The following NELL1 variants were observed in gnomAD, a reference collection of about 807,000 sequenced individuals.
NELL1 encodes the protein neural EGFL like 1, also known as protein kinase C-binding protein NELL1.
A neutral mutation model predicts 107.4 loss-of-function variants in NELL1; 76 were observed. The ratio of observed to expected loss-of-function variants is 0.71; its 90% CI spans 0.59 to 0.86. The LOEUF is 0.86. Among genes scored for constraint, NELL1 ranks in the 40% least tolerant of loss-of-function variants. The pLI, the probability that NELL1 is intolerant of heterozygous loss-of-function variation, is 0.00. For synonymous variants in NELL1, 353 were observed against 341.2 expected (o/e 1.03, Z -0.38); for missense variants, 1,024 against 1,005.5 (o/e 1.02, Z -0.25).
intron 13 of NELL1, among the ~76,000 whole-genome samples, chr11:21,129,714 A>G (rs1855571589): frequency 6.6e-6 from 1 of 152,210 alleles, no homozygotes; most frequent in Non-Finnish European, 1.5e-5. Context: ...AATCAAATTC[A>G]TAGAGACAAA....
intron 13 of NELL1, among the ~76,000 whole-genome samples, chr11:21,117,993 G>A (rs1300808998): frequency 6.6e-6 from 1 of 152,020 alleles, no homozygotes; most frequent in South Asian, 2.1e-4. Context: ...CCTATATAGT[G>A]AGTGATACTA....
At chr11:20,766,164 T>G (rs1057279725) in intron 2 of NELL1, among the ~76,000 whole-genome samples, 4 of 152,322 alleles carry the variant, frequency 2.6e-5, no homozygotes, top group Admixed American at 2.0e-4. Flanking sequence ...AGGATTGATG[T>G]CGAGAATGAC....
At chr11:21,378,626 C>G (rs543300251) in intron 15 of NELL1, among the ~76,000 whole-genome samples, 1 of 151,996 alleles carries the variant, frequency 6.6e-6, no homozygotes, top group South Asian at 2.1e-4. Flanking sequence ...AGATAGTATA[C>G]TTATCCTCTT....
intron 13 of NELL1, 144 bp downstream of exon 13, chr11:21,113,858 A>G: frequency 1.2e-6 from 1 of 816,682 alleles, no homozygotes; most frequent in Admixed American, 3.3e-5. Context: ...ACCTTTTGAG[A>G]AAAAAGCAAT....
chr11:21,422,982 A>T (rs1228135387), intron 15 of NELL1, among the ~76,000 whole-genome samples: 8 of 152,168 alleles, frequency 5.3e-5, no homozygotes, highest in Admixed American at 5.2e-4. Flanking sequence ...TAAAAGTGAA[A>T]ATATGGAAAA....
At chr11:21,001,925 C>A (rs1343860658) in intron 12 of NELL1, among the ~76,000 whole-genome samples, 7 of 152,096 alleles carry the variant, frequency 4.6e-5, no homozygotes, top group Non-Finnish European at 8.8e-5. Flanking sequence ...GGCTAAGGGG[C>A]CATTTGAATG....
intron 12 of NELL1, among the ~76,000 whole-genome samples, chr11:21,085,827 T>C (rs761951049): frequency 4.4e-4 from 67 of 152,144 alleles, no homozygotes; most frequent in Non-Finnish European, 8.8e-5. Context: ...ATGGATTTTA[T>C]TCTAAATGTA....
intron 4 of NELL1, among the ~76,000 whole-genome samples, chr11:20,862,815 C>T (rs944490904): frequency 2.6e-5 from 4 of 152,066 alleles, no homozygotes; most frequent in African/African-American, 4.8e-5. Flanking sequence ...TCTCAACGAG[C>T]ATGCTGCCTT....
intron 12 of NELL1, among the ~76,000 whole-genome samples, chr11:20,976,390 G>C (rs1001900305): frequency 6.6e-5 from 10 of 152,000 alleles, no homozygotes; most frequent in African/African-American, 2.4e-4. Context: ...TTGATATCTA[G>C]ATCCCAACCC....
intron 19 of NELL1, among the ~76,000 whole-genome samples, chr11:21,573,677 T>G (rs943231652): frequency 6.6e-6 from 1 of 151,566 alleles, no homozygotes; most frequent in Non-Finnish European, 1.5e-5. Context: ...GGCTTAATTA[T>G]GACTAACTTA....
intron 15 of NELL1, among the ~76,000 whole-genome samples, chr11:21,398,971 G>A (rs1315204043): frequency 6.6e-6 from 1 of 151,488 alleles, no homozygotes; most frequent in Non-Finnish European, 1.5e-5. Flanking sequence ...GTTAGTGACA[G>A]TACTCAGAAT....
intron 13 of NELL1, among the ~76,000 whole-genome samples, chr11:21,142,021 C>A (rs1407997473): frequency 6.6e-6 from 1 of 152,130 alleles, no homozygotes; most frequent in Non-Finnish European, 1.5e-5. Context: ...GCTTCGGCCT[C>A]CCAAAGTGCT....
intron 15 of NELL1, among the ~76,000 whole-genome samples, chr11:21,448,777 C>T (rs1438483773): frequency 6.6e-6 from 1 of 152,184 alleles, no homozygotes; most frequent in Non-Finnish European, 1.5e-5. Context: ...TTTCTCACTA[C>T]ACTATTTTAT....
chr11:21,444,853 C>T (rs1365099520), intron 15 of NELL1, among the ~76,000 whole-genome samples: 1 of 152,084 alleles, frequency 6.6e-6, no homozygotes, highest in Non-Finnish European at 1.5e-5. Flanking sequence ...CTTTTCCCTC[C>T]CTTCCTGTCT....
At chr11:21,267,059 A>G (rs114604949) in intron 14 of NELL1, among the ~76,000 whole-genome samples, 2,444 of 151,998 alleles carry the variant, frequency 0.016, 80 homozygotes, top group African/African-American at 0.056. Context: ...ATTATAGTCT[A>G]TAAACTGTGG....
In NELL1 at chr11:21,147,053, G is replaced by A. The variant is rs537797670; in HGVS notation, c.1426+33339G>A. ...AGCCAGACTCCTTCTCAAAAGAAGAGTAAAGTATCACTTCTCACATCATGG... is the reference window on the plus strand; with the variant it reads ...AGCCAGACTCCTTCTCAAAAGAAGAATAAAGTATCACTTCTCACATCATGG... On this transcript the variant is annotated intron_variant, in intron 13 of 19. Coordinates refer to ENST00000357134, the MANE Select transcript of NELL1 (RefSeq NM_006157.5). Among the ~76,000 whole-genome samples, 117 of 152,270 alleles carry A rather than the reference G, an allele frequency of 7.7e-4. 3 individuals carry two copies. The highest frequency in any genetic ancestry group is 4.2e-3 in the Admixed American group (64 of 15,292).
intron 2 of NELL1, among the ~76,000 whole-genome samples, chr11:20,684,483 CCTAA>C (rs1486188695): frequency 6.6e-6 from 1 of 152,024 alleles, no homozygotes; most frequent in Non-Finnish European, 1.5e-5. Flanking sequence ...CATGTCTCTA[CCTAA>C]CTCTTTGAAT....
intron 3 of NELL1, among the ~76,000 whole-genome samples, chr11:20,833,608 T>C (rs1564927367): frequency 6.6e-6 from 1 of 152,166 alleles, no homozygotes; most frequent in African/African-American, 2.4e-5. Flanking sequence ...AGACAGATGT[T>C]AACAAAATAA....
At chr11:21,147,428 A>AATACACAGC (rs1298314611) in intron 13 of NELL1, among the ~76,000 whole-genome samples, 1 of 152,166 alleles carries the variant, frequency 6.6e-6, no homozygotes, top group African/African-American at 2.4e-5. Flanking sequence ...GCATAGGAGA[A>AATACACAGC]ATACACAGCT....
Sources: gnomAD v4.1 joint callset for allele counts (sites outside exome capture counted in the v4.1 genomes callset) on GRCh38, gnomAD v4.1.1 for gene constraint, MANE v1.5 for transcripts, NCBI Gene and HGNC (gene_info 2026-07-23, HGNC 2026-07-21) for gene names.